Variants in ARHGAP31 observed in about 807,000 individuals in gnomAD.
ARHGAP31 encodes rho GTPase-activating protein 31.
Under a neutral mutation model 113.9 loss-of-function variants are expected in ARHGAP31, and 34 were observed. That is an observed-to-expected ratio of 0.30 (90% CI 0.23 to 0.40). The LOEUF (loss-of-function observed/expected upper bound fraction) is 0.40, where lower values mean the gene tolerates loss of function less well. Ranked by LOEUF, ARHGAP31 falls within the 10% of genes least tolerant of loss-of-function variation. ARHGAP31 has a pLI of 1.00. For missense variants in ARHGAP31, 1,548 were observed against 1,767.1 expected (o/e 0.88, Z 2.22); for synonymous variants, 650 against 684.8 (o/e 0.95, Z 0.79).
At chr3:119,312,335 C>T (rs927268043) in intron 1 of ARHGAP31, among the ~76,000 whole-genome samples, 1 of 152,328 alleles carries the variant, frequency 6.6e-6, no homozygotes, top group African/African-American at 2.4e-5. Flanking sequence ...TTTCATTTCA[C>T]TCAGTCCTGT....
intron 1 of ARHGAP31, among the ~76,000 whole-genome samples, chr3:119,295,560 T>C (rs1443938583): frequency 1.3e-5 from 2 of 151,920 alleles, no homozygotes; most frequent in Non-Finnish European, 2.9e-5. Context: ...TGATGCCAAA[T>C]ATATAGTACC....
intron 3 of ARHGAP31, among the ~76,000 whole-genome samples, chr3:119,377,834 T>C (rs569694632): frequency 1.3e-5 from 2 of 151,726 alleles, no homozygotes; most frequent in East Asian, 3.9e-4. Context: ...ATAATAAAAA[T>C]GGTTTGATAA....
At position 119,383,222 on chromosome 3, in the gene ARHGAP31, T is replaced by C. The variant is rs1488822998; in HGVS notation, c.678T>C (p.Asn226=). 6 of 1,614,026 alleles carry C rather than the reference T, an allele frequency of 3.7e-6. No homozygotes were observed. The highest frequency in any genetic ancestry group is 1.7e-5 in the Admixed American group (1 of 60,006). Residue 226 remains asparagine, a synonymous_variant, in exon 6 of 12, where the codon AAT becomes AAC. Coordinates refer to ENST00000264245, the MANE Select transcript of ARHGAP31 (RefSeq NM_020754.4). ...FNNGAPGSLE[N]DENRPIMKSL... Reference sequence around the variant, plus strand: ...ACGGTGCACCTGGGTCTCTGGAGAATGATGGTAAGGACTCCTCCTAGCATA... The same window carrying C: ...ACGGTGCACCTGGGTCTCTGGAGAACGATGGTAAGGACTCCTCCTAGCATA...
At chr3:119,328,842 T>G (rs980898311) in intron 1 of ARHGAP31, among the ~76,000 whole-genome samples, 2 of 152,150 alleles carry the variant, frequency 1.3e-5, no homozygotes, top group Non-Finnish European at 2.9e-5. Flanking sequence ...GGATTTCACC[T>G]TGTTGGCCAG....
chr3:119,326,483 A>G (rs182591330), intron 1 of ARHGAP31, among the ~76,000 whole-genome samples: 241 of 152,328 alleles, frequency 1.6e-3, no homozygotes, highest in African/African-American at 5.6e-3. Flanking sequence ...TTAAGAAAGT[A>G]TGAGAATAGC....
At chr3:119,327,534 G>C (rs1328627768) in intron 1 of ARHGAP31, among the ~76,000 whole-genome samples, 1 of 152,190 alleles carries the variant, frequency 6.6e-6, no homozygotes, top group African/African-American at 2.4e-5. Flanking sequence ...AACACAGCGA[G>C]ACAATGTCTC....
At position 119,419,558 on chromosome 3, in the gene ARHGAP31, T is replaced by C. The variant is rs1355796675; in HGVS notation, c.*3294T>C. On this transcript the variant is annotated 3_prime_UTR_variant, in exon 12 of 12. Transcript: ENST00000264245. ...ACTCCCAAATCATTCAAGAGTCTAG[T>C]GAAAAAGGGGGAGGGATGGCAGCAA... 3 of 151,842 alleles carry C rather than the reference T, an allele frequency of 2.0e-5. No individual in the cohort carries two copies. The highest frequency in any genetic ancestry group is 2.9e-5 in the Non-Finnish European group (2 of 67,982). The allele number at this position is 151,842 out of a possible 1,614,324, so 9.4% of individuals were successfully genotyped here. A position where few individuals can be genotyped will look rare whatever the true frequency, so the allele number is the denominator to read the frequency against.
At chr3:119,382,980 T>A (rs2080415028) in intron 5 of ARHGAP31, 104 bp from the exon 6 acceptor site, 11 of 1,376,666 alleles carry the variant, frequency 8.0e-6, no homozygotes, top group Non-Finnish European at 1.1e-5. Context: ...ATGAACTGTA[T>A]CAATTTAGGA....
At chr3:119,381,253 C>G (rs2107630704) in intron 4 of ARHGAP31, among the ~76,000 whole-genome samples, 1 of 152,272 alleles carries the variant, frequency 6.6e-6, no homozygotes, top group South Asian at 2.1e-4. Context: ...GTGATGCATA[C>G]TAGCCTCTTG....
At position 119,357,753 on chromosome 3, in the gene ARHGAP31, G is replaced by A. The variant is rs188158561; in HGVS notation, c.101-7563G>A. On this transcript the variant is annotated intron_variant, in intron 1 of 11. Transcript: ENST00000264245. ...AAATGTATATAGTTTCTAACTAACC[G>A]TTCCCAAAGGGTGGTTTCAAAAATG... 5.1e-4 allele frequency among the ~76,000 whole-genome samples: 78 copies of A among 152,252 alleles called. 3 individuals are homozygous for A. The East Asian group carries it at 0.01, about 20-fold the overall frequency.
intron 6 of ARHGAP31, among the ~76,000 whole-genome samples, chr3:119,387,817 A>T (rs957113186): frequency 4.6e-5 from 7 of 152,252 alleles, no homozygotes; most frequent in African/African-American, 1.7e-4. Context: ...ACAAGGATAT[A>T]TAAGTTTACA....
intron 1 of ARHGAP31, among the ~76,000 whole-genome samples, chr3:119,361,680 C>T (rs796399775): frequency 1.8e-4 from 27 of 152,342 alleles, no homozygotes; most frequent in African/African-American, 5.5e-4. Context: ...CTGTGCCCAG[C>T]GGTCCTTCAA....
At chr3:119,361,354 C>A (rs1226739783) in intron 1 of ARHGAP31, among the ~76,000 whole-genome samples, 1 of 150,156 alleles carries the variant, frequency 6.7e-6, no homozygotes, top group Non-Finnish European at 1.5e-5. Context: ...CTGGTCTAGA[C>A]TAGTGGTTCT....
At chr3:119,347,508 A>G (rs2080070327) in intron 1 of ARHGAP31, among the ~76,000 whole-genome samples, 1 of 152,228 alleles carries the variant, frequency 6.6e-6, no homozygotes, top group African/African-American at 2.4e-5. Flanking sequence ...ATCACTTCCC[A>G]GAGGGTCTTT....
chr3:119,304,848 T>C (rs946605333), intron 1 of ARHGAP31, among the ~76,000 whole-genome samples: 2 of 151,894 alleles, frequency 1.3e-5, no homozygotes, highest in Non-Finnish European at 2.9e-5. Context: ...TGACCCAAGA[T>C]GGCGCTACTG....
chr3:119,324,353 C>T (rs745868894), intron 1 of ARHGAP31, among the ~76,000 whole-genome samples: 1 of 152,182 alleles, frequency 6.6e-6, no homozygotes, highest in Non-Finnish European at 1.5e-5. Flanking sequence ...TACACTTGTC[C>T]TTTCTTGAAC....
At chr3:119,338,368 G>A (rs1449964372) in intron 1 of ARHGAP31, among the ~76,000 whole-genome samples, 1 of 152,224 alleles carries the variant, frequency 6.6e-6, no homozygotes, top group African/African-American at 2.4e-5. Flanking sequence ...TTCAGGTGCA[G>A]TGTGTGTTTC....
intron 6 of ARHGAP31, among the ~76,000 whole-genome samples, chr3:119,390,379 T>A (rs183768763): frequency 2.4e-4 from 37 of 152,290 alleles, no homozygotes; most frequent in African/African-American, 8.4e-4. Context: ...ACTCTGGCAG[T>A]TAGGCTATCT....
chr3:119,383,320 C>T (rs1274392185), intron 6 of ARHGAP31, 94 bp downstream of exon 6: 11 of 1,521,452 alleles, frequency 7.2e-6, no homozygotes, highest in Non-Finnish European at 9.1e-6. Flanking sequence ...GGGCTTAGTT[C>T]TAGCTCTGAG....
Sources: allele counts gnomAD v4.1 joint callset (sites outside exome capture counted in the v4.1 genomes callset), GRCh38; gene constraint gnomAD v4.1.1; transcripts MANE v1.5; gene names NCBI Gene and HGNC (gene_info 2026-07-23, HGNC 2026-07-21).